ZNF48: variants seen among roughly 807,000 people sequenced by gnomAD.
ZNF48 encodes zinc finger protein 48, also known as zinc finger protein 553.
Under a neutral mutation model 40.0 loss-of-function variants are expected in ZNF48, and 20 were observed. The observed-to-expected ratio is 0.50, with a 90% CI of 0.35 to 0.73. The LOEUF is 0.73. Among genes scored for constraint, ZNF48 ranks in the 30% least tolerant of loss-of-function variants. ZNF48 has a pLI of 0.01. For synonymous variants in ZNF48, 298 were observed against 329.7 expected, an observed-to-expected ratio of 0.90 and a Z score of 1.04; for missense variants, 726 against 851.9, an observed-to-expected ratio of 0.85 and a Z score of 1.84.
intron 1 of ZNF48, among the ~76,000 whole-genome samples, chr16:30,388,602 C>T (rs1022489831): frequency 1.3e-5 from 2 of 152,088 alleles, no homozygotes; most frequent in African/African-American, 4.8e-5. Context: ...AAAAAAACAA[C>T]CACAGTCCAG....
intron 1 of ZNF48, among the ~76,000 whole-genome samples, chr16:30,385,239 C>T (rs1038842176): frequency 6.6e-6 from 1 of 150,412 alleles, no homozygotes; most frequent in African/African-American, 2.4e-5. Context: ...AATAAATAAG[C>T]AAAGGGCAGG....
chr16:30,393,163 G>A (rs4340343), upstream of ZNF48, among the ~76,000 whole-genome samples: 6 of 151,616 alleles, frequency 4.0e-5, no homozygotes, highest in African/African-American at 7.3e-5. Flanking sequence ...TGCAACCTCC[G>A]CCTCTGGGGT....
At position 30,381,031 on chromosome 16, in the gene ZNF48, C is replaced by A; in HGVS notation, c.-16+2621C>A. 1 of 985,178 alleles carries A rather than the reference C, an allele frequency of 1.0e-6. No homozygotes were observed. The highest frequency in any genetic ancestry group is 1.6e-6 in the Non-Finnish European group (1 of 613,062). 61.0% of individuals were successfully genotyped at this position (985,178 alleles called of 1,614,324 possible). A position where few individuals can be genotyped will look rare whatever the true frequency, so the allele number is the denominator to read the frequency against. ...TCTCCTACAATCTAGCCTGATGCAC[C>A]ATGCTCCAGAAAGGCCACTTCAAGA... On this transcript the variant is annotated intron_variant, in intron 1 of 2. Coordinates refer to the ZNF48 transcript ENST00000528032. The surrounding 1 kb of genome is among the most constrained non-coding windows in gnomAD (Gnocchi z 4.3).
intron 1 of ZNF48, chr16:30,379,787 A>G: frequency 1.6e-6 from 1 of 610,450 alleles, no homozygotes; most frequent in East Asian, 2.8e-5. Context: ...GTGTATTTTT[A>G]GTAGAGGTGG....
Position 30,380,050 on chromosome 16 carries a change from A to G in ZNF48, c.-16+1640A>G, listed in dbSNP as rs1340517890. ...ATCCCGGATCTCAGGGGAAACAGAT[A>G]TAGAGACAGTGTGAAACGGGCCACA... On this transcript the variant is annotated intron_variant, in intron 1 of 2. Transcript: ENST00000528032. 3.1e-6 allele frequency: 5 copies of G among 1,599,958 alleles called. No homozygotes were observed. The African/African-American group carries it at 6.7e-5, about 22-fold the overall frequency.
chr16:30,382,440 G>T lies in ZNF48; in HGVS notation c.-16+4030G>T. Reference sequence around the variant, plus strand: ...TCCCCAGGATCACTTGAGTTCCTGGGCTAGGAAGAGTCAGTGGGGTCTGGG... The same window carrying T: ...TCCCCAGGATCACTTGAGTTCCTGGTCTAGGAAGAGTCAGTGGGGTCTGGG... On this transcript the variant is annotated intron_variant, in intron 1 of 2. Coordinates refer to the ZNF48 transcript ENST00000528032. This position sits in a 1 kb window ranked among gnomAD's most constrained non-coding sequence, Gnocchi z 4.8. 1 of 1,568,428 alleles carries T rather than the reference G, an allele frequency of 6.4e-7. No homozygotes were observed. The highest frequency in any genetic ancestry group is 8.7e-7 in the Non-Finnish European group (1 of 1,145,938).
chr16:30,391,468 G>A (rs182156862), upstream of ZNF48, among the ~76,000 whole-genome samples: 878 of 151,720 alleles, frequency 5.8e-3, 6 homozygotes, highest in Non-Finnish European at 7.5e-3. Flanking sequence ...GATTACAGGC[G>A]TGAGCCACTG....
intron 1 of ZNF48, chr16:30,378,682 G>T: frequency 6.2e-7 from 1 of 1,608,678 alleles, no homozygotes; most frequent in Non-Finnish European, 8.5e-7. Flanking sequence ...TCTCTGTGGC[G>T]CTCTGGCGGG....
In ZNF48 at chr16:30,399,172, G is replaced by A; in HGVS notation, c.*65G>A. The A allele has an allele frequency of 6.9e-7, 1 of 1,451,504 alleles. No homozygotes were observed. The highest frequency in any genetic ancestry group is 2.3e-5 in the Admixed American group (1 of 43,410). The allele number at this position is 1,451,504 out of a possible 1,614,324, so 89.9% of individuals were successfully genotyped here. A position where few individuals can be genotyped will look rare whatever the true frequency, so the allele number is the denominator to read the frequency against. ...AGGGGCTCTGCCGCTTAGCAGAGAAGAAAGGGCCTGGGAGGTGGTGGGAGG... is the reference window on the plus strand; with the variant it reads ...AGGGGCTCTGCCGCTTAGCAGAGAAAAAAGGGCCTGGGAGGTGGTGGGAGG... On this transcript the variant is annotated 3_prime_UTR_variant, in exon 3 of 3. Transcript: ENST00000613509.
At chr16:30,386,587 C>T (rs1269148589) in intron 1 of ZNF48, among the ~76,000 whole-genome samples, 4 of 152,008 alleles carry the variant, frequency 2.6e-5, no homozygotes, top group Admixed American at 6.6e-5. Flanking sequence ...GTGGGAGGAT[C>T]GTCCAGTCTG....
rs2049910289 is a variant in ZNF48, at chr16:30,387,402, A to G, written c.-15-8378A>G. Among the ~76,000 whole-genome samples the G allele has an allele frequency of 1.2e-4, 17 of 147,650 alleles. No homozygotes were observed. In the South Asian group the frequency reaches 3.6e-3, roughly 31 times the overall value. On this transcript the variant is annotated intron_variant, in intron 1 of 2. Transcript: ENST00000528032. ...AAATCCTGTCTCTACTAAAAATACA[A>G]AAATTAGCCAGGCATGGTGGCGCAT...
intron 1 of ZNF48, chr16:30,380,139 A>C (rs1323576888): frequency 1.1e-6 from 1 of 879,152 alleles, no homozygotes; most frequent in Non-Finnish European, 1.7e-6. Flanking sequence ...AGAGACAGAG[A>C]GAAAGACATG....
At position 30,399,293 on chromosome 16, in the gene ZNF48, T is replaced by C; in HGVS notation, c.*186T>C. On this transcript the variant is annotated 3_prime_UTR_variant, in exon 3 of 3. Coordinates refer to ENST00000613509, the MANE Select transcript of ZNF48 (RefSeq NM_001214909.2). ...AGGAAACTGTCCTGGCTGGGCTGAG[T>C]CAGGACCTTGCCAGGACGGGCTGTA... 2 of 623,756 alleles carry C rather than the reference T, an allele frequency of 3.2e-6. No homozygotes were observed. Among genetic ancestry groups the C allele is most frequent in the Non-Finnish European group, 5.3e-6 (2 of 378,648 alleles). The allele number at this position is 623,756 out of a possible 1,614,324, so 38.6% of individuals were successfully genotyped here. A position where few individuals can be genotyped will look rare whatever the true frequency, so the allele number is the denominator to read the frequency against.
Position 30,398,316 on chromosome 16 carries a change from G to A in ZNF48, c.1066G>A (p.Glu356Lys), listed in dbSNP as rs766339635. 50 of 1,613,526 alleles carry A rather than the reference G, an allele frequency of 3.1e-5. No individual in the cohort carries two copies. The highest frequency in any genetic ancestry group is 4.1e-5 in the Non-Finnish European group (48 of 1,179,996). ...RVKHLRTHSG[E>K]RPHACPECDR... ...CAAACACCTCCGCACCCACAGTGGC[G>A]AGAGGCCCCATGCCTGCCCGGAATG... is the stretch of plus-strand genomic sequence containing the variant. Residue 356 changes from glutamate (E) to lysine (K), a missense_variant, in exon 3 of 3, where the codon GAG (glutamate) becomes AAG (lysine). Around this residue, in one of 5 missense-constraint regions of ZNF48, gnomAD observed 378 missense variants for 449.1 expected, o/e 0.84. Transcript: ENST00000613509. This position sits in a 1 kb window ranked among gnomAD's most constrained non-coding sequence, Gnocchi z 6.6.
Position 30,398,109 on chromosome 16 carries a change from A to G in ZNF48, c.859A>G (p.Ser287Gly), listed in dbSNP as rs148861610. ...TGATTGCGGCAAGAGGTTTGTGCTC[A>G]GCTGCAGCCTCCTGAGTCACCAGCG... ...CTDCGKRFVL[S>G]CSLLSHQRSH... Residue 287 changes from serine to glycine, a missense_variant, in exon 3 of 3, where the codon AGC becomes GGC. Physicochemically the swap from Ser to Gly is moderately conservative, Grantham distance 56. This residue lies in a region of ZNF48 where 378 missense variants were observed against 449.1 expected (regional missense o/e 0.84). Coordinates refer to ENST00000613509, the MANE Select transcript of ZNF48 (RefSeq NM_001214909.2). The surrounding 1 kb of genome is among the most constrained non-coding windows in gnomAD (Gnocchi z 6.6). The G allele has an allele frequency of 9.9e-6, 16 of 1,613,504 alleles. No homozygotes were observed. Among genetic ancestry groups the G allele is most frequent in the Non-Finnish European group, 1.3e-5 (15 of 1,179,680 alleles).
At chr16:30,389,859 C>T (rs1305189868) in intron 1 of ZNF48, among the ~76,000 whole-genome samples, 1 of 36,914 alleles carries the variant, frequency 2.7e-5, no homozygotes, top group Non-Finnish European at 6.0e-5. Flanking sequence ...TTTTTAGAAA[C>T]AGGGTCTTGT....
chr16:30,398,188 C>A lies in ZNF48; in HGVS notation c.938C>A (p.Ala313Asp), dbSNP rs1258284284. 1 of 1,613,892 alleles carries A rather than the reference C, an allele frequency of 6.2e-7. No individual in the cohort carries two copies. The highest frequency in any genetic ancestry group is 2.2e-5 in the East Asian group (1 of 44,868). The change falls in exon 3 of 3, where the codon GCC becomes GAC. Residue 313 changes from alanine to aspartate, a missense_variant. Physicochemically the swap from Ala to Asp is moderately radical, Grantham distance 126. Around this residue, in one of 5 missense-constraint regions of ZNF48, gnomAD observed 378 missense variants for 449.1 expected, o/e 0.84. Transcript: ENST00000613509. This position sits in a 1 kb window ranked among gnomAD's most constrained non-coding sequence, Gnocchi z 6.6. Reference protein sequence around the residue: ...FGCDVCGKEFARGSDLVKHLR... With the variant: ...FGCDVCGKEFDRGSDLVKHLR... ...TGTGATGTGTGTGGAAAGGAGTTTG[C>A]CCGGGGATCCGACCTGGTGAAGCAC...
In ZNF48 at chr16:30,382,504, T is replaced by C. The variant is rs1342017197; in HGVS notation, c.-16+4094T>C. 1 of 1,597,028 alleles carries C rather than the reference T, an allele frequency of 6.3e-7. No individual in the cohort carries two copies. Among genetic ancestry groups the C allele is most frequent in the Non-Finnish European group, 8.5e-7 (1 of 1,171,610 alleles). On this transcript the variant is annotated intron_variant, in intron 1 of 2. Coordinates refer to the ZNF48 transcript ENST00000528032. This position sits in a 1 kb window ranked among gnomAD's most constrained non-coding sequence, Gnocchi z 4.8. ...GGGGCTGGGGGCCGAGATGCCCAGGTTTCTGGGTGTAAGGACTCACCATGA... is the reference window on the plus strand; with the variant it reads ...GGGGCTGGGGGCCGAGATGCCCAGGCTTCTGGGTGTAAGGACTCACCATGA...
In ZNF48 at chr16:30,382,320, G is replaced by C. The variant is rs755491420; in HGVS notation, c.-16+3910G>C. 2 of 1,613,814 alleles carry C rather than the reference G, an allele frequency of 1.2e-6. No homozygotes were observed. Among genetic ancestry groups the C allele is most frequent in the Admixed American group, 3.3e-5 (2 of 59,986 alleles). ...TCAAACCCCTTCTTGACAGACTTGC[G>C]GTGCAGCTGGTTGGGGAGGGCAGCA... On this transcript the variant is annotated intron_variant, in intron 1 of 2. Transcript: ENST00000528032. This position sits in a 1 kb window ranked among gnomAD's most constrained non-coding sequence, Gnocchi z 4.8.
Sources: allele counts gnomAD v4.1 joint callset (sites outside exome capture counted in the v4.1 genomes callset), GRCh38; gene constraint gnomAD v4.1.1; regional missense constraint gnomAD v4.1.1; non-coding constraint Gnocchi (gnomAD v3.1); transcripts MANE v1.5; gene names NCBI Gene and HGNC (gene_info 2026-07-23, HGNC 2026-07-21).